Variants in AFG2A observed in about 807,000 individuals in gnomAD.
The protein encoded by AFG2A is AAA ATPase AFG2A.
the AFG2A span, among the ~76,000 whole-genome samples, chr4:122,998,967 G>C: frequency 3.3e-5 from 5 of 151,990 alleles, no homozygotes; most frequent in East Asian, 9.6e-4. Context: ...ATCCTCTCCA[G>C]CACCTGTTGT....
the AFG2A span, among the ~76,000 whole-genome samples, chr4:123,305,506 A>G: frequency 2.0e-5 from 3 of 152,208 alleles, no homozygotes; most frequent in Non-Finnish European, 4.4e-5. Context: ...TAAATTTACA[A>G]TTGGGTTTCT....
At chr4:123,020,043 G>C in the AFG2A span, among the ~76,000 whole-genome samples, 5 of 152,084 alleles carry the variant, frequency 3.3e-5, no homozygotes, top group African/African-American at 1.2e-4. Flanking sequence ...ACCCATCAAG[G>C]CTTTTTTTGT....
the AFG2A span, among the ~76,000 whole-genome samples, chr4:122,990,559 A>G: frequency 6.6e-6 from 1 of 152,210 alleles, no homozygotes; most frequent in African/African-American, 2.4e-5. Context: ...GAAGTAGACA[A>G]TGTGGAATGA....
the AFG2A span, among the ~76,000 whole-genome samples, chr4:122,998,152 T>A: frequency 6.6e-6 from 1 of 152,288 alleles, no homozygotes; most frequent in Middle Eastern, 3.4e-3. Context: ...AAATTTTTGA[T>A]TAAGTCCAGT....
chr4:122,999,294 C>T, the AFG2A span, among the ~76,000 whole-genome samples: 1 of 152,252 alleles, frequency 6.6e-6, no homozygotes, highest in Non-Finnish European at 1.5e-5. Flanking sequence ...TTTTGCTGTG[C>T]AGAAGTTCTT....
At chr4:123,256,300 A>G in the AFG2A span, 5 of 1,131,230 alleles carry the variant, frequency 4.4e-6, no homozygotes, top group Non-Finnish European at 6.3e-6. Flanking sequence ...ATCTTGAAAC[A>G]GGAAGTGCAG....
At chr4:123,083,819 A>G in the AFG2A span, among the ~76,000 whole-genome samples, 2 of 151,968 alleles carry the variant, frequency 1.3e-5, no homozygotes, top group African/African-American at 4.8e-5. Flanking sequence ...GTATTCGTCT[A>G]ATTGTGGCTT....
the AFG2A span, among the ~76,000 whole-genome samples, chr4:123,131,645 T>C: frequency 1.3e-5 from 2 of 152,172 alleles, no homozygotes; most frequent in Non-Finnish European, 2.9e-5. Context: ...TATTTTATGT[T>C]ATATAATGTA....
the AFG2A span, among the ~76,000 whole-genome samples, chr4:123,268,031 C>CAAT: frequency 6.6e-6 from 1 of 151,938 alleles, no homozygotes; most frequent in Non-Finnish European, 1.5e-5. Context: ...GTATGTTAGA[C>CAAT]AATCAATATA....
At chr4:123,007,626 A>ATATATC in the AFG2A span, among the ~76,000 whole-genome samples, 1 of 45,060 alleles carries the variant, frequency 2.2e-5, no homozygotes, top group African/African-American at 7.5e-5. Context: ...ATATATATAT[A>ATATATC]TATACACACA....
the AFG2A span, among the ~76,000 whole-genome samples, chr4:122,931,641 G>A: frequency 1.3e-5 from 2 of 152,168 alleles, no homozygotes; most frequent in African/African-American, 4.8e-5. Context: ...AATGTTAAGG[G>A]ACTTGCCTGA....
At chr4:122,962,662 TTTTC>T in the AFG2A span, among the ~76,000 whole-genome samples, 1 of 152,224 alleles carries the variant, frequency 6.6e-6, no homozygotes. Context: ...TGAGGAAAGG[TTTTC>T]TTTCTAATTA....
chr4:123,241,216 G>C, the AFG2A span, among the ~76,000 whole-genome samples: 4 of 152,210 alleles, frequency 2.6e-5, no homozygotes, highest in African/African-American at 9.6e-5. Context: ...AAGAGGAGCT[G>C]TTACCATTCC....
the AFG2A span, among the ~76,000 whole-genome samples, chr4:123,122,412 A>C: frequency 0.67 from 101,831 of 152,164 alleles, 37,321 homozygotes; most frequent in East Asian, 0.97. Flanking sequence ...TGGGCAAAAT[A>C]GCCTAACATA....
At chr4:123,165,976 CT>C in the AFG2A span, among the ~76,000 whole-genome samples, 1 of 152,164 alleles carries the variant, frequency 6.6e-6, no homozygotes, top group African/African-American at 2.4e-5. Flanking sequence ...AGAATTTCCC[CT>C]ATGCCTGATA....
the AFG2A span, among the ~76,000 whole-genome samples, chr4:122,982,338 A>G: frequency 2.0e-5 from 3 of 152,172 alleles, no homozygotes; most frequent in African/African-American, 7.2e-5. Flanking sequence ...CTTGCATCCT[A>G]GGGATGAATC....
the AFG2A span, among the ~76,000 whole-genome samples, chr4:122,982,962 G>C: frequency 1.3e-5 from 2 of 148,422 alleles, no homozygotes; most frequent in South Asian, 4.2e-4. Context: ...CCGCCTCCTG[G>C]GTTCAAGTGA....
At chr4:123,248,955 A>G in the AFG2A span, among the ~76,000 whole-genome samples, 5 of 152,180 alleles carry the variant, frequency 3.3e-5, no homozygotes, top group African/African-American at 9.7e-5. Context: ...ACTGAAGCAT[A>G]CATGCCATAT....
the AFG2A span, among the ~76,000 whole-genome samples, chr4:123,304,592 G>A: frequency 6.6e-6 from 1 of 152,180 alleles, no homozygotes; most frequent in South Asian, 2.1e-4. Flanking sequence ...CCAGACAGAA[G>A]ATGCTTTTAA....
Sources: allele counts gnomAD v4.1 joint callset (sites outside exome capture counted in the v4.1 genomes callset), GRCh38; gene constraint gnomAD v4.1.1; transcripts MANE v1.5; gene names NCBI Gene and HGNC (gene_info 2026-07-23, HGNC 2026-07-21).